Variants in OTOF observed in about 807,000 individuals in gnomAD.
OTOF encodes the protein otoferlin.
Under a neutral mutation model 236.8 loss-of-function variants are expected in OTOF, and 218 were observed. The ratio of observed to expected loss-of-function variants is 0.92; its 90% confidence interval spans 0.82 to 1.03. OTOF has a LOEUF of 1.03. Ranked by LOEUF, OTOF falls within the 50% of genes least tolerant of loss-of-function variation. The pLI is 0.00. For missense variants in OTOF, 2,590 were observed against 2,694.4 expected (o/e 0.96, Z 0.86); for synonymous variants, 1,041 against 1,072.5 (o/e 0.97, Z 0.57).
chr2:26,464,741 C>T (rs1216002621), intron 39 of OTOF, 128 bp downstream of exon 39: 2 of 902,242 alleles, frequency 2.2e-6, no homozygotes, highest in South Asian at 4.5e-5. Flanking sequence ...CAGAGGGTCA[C>T]TAAGACCAGG....
In OTOF at chr2:26,533,377, G is replaced by A. The variant is rs745546503; in HGVS notation, c.138+4339C>T. 6.6e-5 allele frequency among the ~76,000 whole-genome samples: 10 copies of A among 152,124 alleles called. No individual in the cohort carries two copies. In the East Asian group the frequency reaches 9.7e-4, roughly 15 times the overall value. On this transcript the variant is annotated intron_variant, in intron 2 of 46. Coordinates refer to ENST00000272371, the MANE Select transcript of OTOF (RefSeq NM_194248.3). ...CTTAAAGGCCTGGGCTCAGTATCCC[G>A]AGTGTGGCTATTTCACTTTCCCAGG...
chr2:26,475,655 T>C (rs1665220490), intron 24 of OTOF, among the ~76,000 whole-genome samples, 162 bp from the exon 25 acceptor site: 1 of 152,178 alleles, frequency 6.6e-6, no homozygotes, highest in Non-Finnish European at 1.5e-5. Flanking sequence ...AATATGAGGT[T>C]TGGCCCAAGC....
chr2:26,513,427 C>T (rs540513602), intron 5 of OTOF, among the ~76,000 whole-genome samples: 93 of 152,264 alleles, frequency 6.1e-4, no homozygotes, highest in Middle Eastern at 3.4e-3. Flanking sequence ...CCCCTCCATC[C>T]GTGGAAGATT....
In OTOF at chr2:26,470,982, C is replaced by T; in HGVS notation, c.3894+139G>A. ...GCACTCACCCAGCTCTTTTCCACTG[C>T]ATCTTAGGGGAGGTGTGCTGGCCCA... is the stretch of plus-strand genomic sequence containing the variant. On this transcript the variant is annotated intron_variant, in intron 31 of 46. Transcript: ENST00000272371. This position sits in a 1 kb window ranked among gnomAD's most constrained non-coding sequence, Gnocchi z 4.3. The T allele has an allele frequency of 8.4e-7, 1 of 1,196,696 alleles. No homozygotes were observed. The highest frequency in any genetic ancestry group is 1.2e-6 in the Non-Finnish European group (1 of 810,008). 74.1% of individuals were successfully genotyped at this position (1,196,696 alleles called of 1,614,324 possible).
chr2:26,465,593 C>T (rs1345255454), intron 38 of OTOF, 79 bp downstream of exon 38: 1 of 1,479,928 alleles, frequency 6.8e-7, no homozygotes, highest in Non-Finnish European at 9.4e-7. Context: ...CCTCTCAAAT[C>T]ACCAGGATCT....
chr2:26,540,980 G>T (rs192007566), intron 1 of OTOF, among the ~76,000 whole-genome samples: 1 of 152,222 alleles, frequency 6.6e-6, no homozygotes, highest in Non-Finnish European at 1.5e-5. Context: ...AATTTTCCCC[G>T]CAGGTAACAC....
At position 26,489,280 on chromosome 2, in the gene OTOF, T is replaced by A; in HGVS notation, c.976A>T (p.Asn326Tyr). 2 of 1,612,648 alleles carry A rather than the reference T, an allele frequency of 1.2e-6. No homozygotes were observed. The highest frequency in any genetic ancestry group is 1.7e-6 in the Non-Finnish European group (2 of 1,179,650). The part of the protein sequence containing the change: ...IIKISVIHSK[N>Y]LLRSGTLVGS... ...ACCAGGGTGCCACTGCGCAGCAGGTTCTTGGAGTGAATCACCTTTCAGGCA... is the reference window on the plus strand; with the variant it reads ...ACCAGGGTGCCACTGCGCAGCAGGTACTTGGAGTGAATCACCTTTCAGGCA... Residue 326 changes from asparagine (N) to tyrosine (Y), a missense_variant, in exon 11 of 47, where the codon AAC becomes TAC. Transcript: ENST00000272371.
intron 8 of OTOF, among the ~76,000 whole-genome samples, chr2:26,501,472 G>A (rs1342670243): frequency 6.6e-6 from 1 of 152,172 alleles, no homozygotes; most frequent in Admixed American, 6.5e-5. Flanking sequence ...TTTTCTAGGT[G>A]CTTCTCACTT....
At position 26,480,785 on chromosome 2, in the gene OTOF, C is replaced by T. The variant is rs2148056848; in HGVS notation, c.1803+1G>A. On this transcript the variant is annotated splice_donor_variant, in intron 15 of 46. Transcript: ENST00000272371. LOFTEE classifies it high-confidence loss of function. ...GGACAGCACAGTGCCTGGGGTCTCACCTCCGAGATGGGCGTGGCCTGCTCC... is the reference window on the plus strand; with the variant it reads ...GGACAGCACAGTGCCTGGGGTCTCATCTCCGAGATGGGCGTGGCCTGCTCC... The T allele has an allele frequency of 1.9e-6, 3 of 1,611,196 alleles. No individual in the cohort carries two copies. The highest frequency in any genetic ancestry group is 2.5e-6 in the Non-Finnish European group (3 of 1,179,458).
chr2:26,536,733 GA>G (rs1667080334), intron 2 of OTOF, among the ~76,000 whole-genome samples: 1 of 152,188 alleles, frequency 6.6e-6, no homozygotes, highest in Admixed American at 6.5e-5. Flanking sequence ...CCCCAGGAGA[GA>G]GGGGGTACAC....
At chr2:26,555,484 G>C (rs754238347) in intron 1 of OTOF, among the ~76,000 whole-genome samples, 4 of 152,240 alleles carry the variant, frequency 2.6e-5, no homozygotes, top group Non-Finnish European at 5.9e-5. Context: ...GCAGCCAGGG[G>C]CAGTAAGAAC....
At chr2:26,556,504 T>C (rs866900307) in intron 1 of OTOF, among the ~76,000 whole-genome samples, 17 of 152,120 alleles carry the variant, frequency 1.1e-4, no homozygotes, top group Admixed American at 4.6e-4. Context: ...CTCCTGCCAA[T>C]GTGGAGCTTG....
chr2:26,492,712 G>A (rs1572448214), intron 9 of OTOF, among the ~76,000 whole-genome samples: 1 of 152,170 alleles, frequency 6.6e-6, no homozygotes, highest in Non-Finnish European at 1.5e-5. Context: ...GAGACTGGGA[G>A]CCTCCAGTCC....
At chr2:26,496,503 G>A (rs947788762) in intron 8 of OTOF, among the ~76,000 whole-genome samples, 13 of 152,056 alleles carry the variant, frequency 8.5e-5, no homozygotes, top group Admixed American at 6.6e-4. Flanking sequence ...GCCTCCCAAA[G>A]TGCTGGGAAT....
At position 26,462,289 on chromosome 2, in the gene OTOF, G is replaced by T; in HGVS notation, c.5193-108C>A. 1.0e-6 allele frequency: 1 copy of T among 963,384 alleles called. No individual in the cohort carries two copies. The highest frequency in any genetic ancestry group is 1.7e-6 in the Non-Finnish European group (1 of 596,080). 59.7% of individuals were successfully genotyped at this position (963,384 alleles called of 1,614,324 possible). On this transcript the variant is annotated intron_variant, in intron 41 of 46. Transcript: ENST00000272371. This position sits in a 1 kb window ranked among gnomAD's most constrained non-coding sequence, Gnocchi z 4.7. ...GAGAAGCCCTGGGGTCTTGGGGTCA[G>T]CACAGGGCCTGGGCCAGGCTGGGGC...
rs775956205 is a variant in OTOF, at chr2:26,480,244, C to T, written c.1871G>A (p.Arg624Gln). 4.4e-5 allele frequency: 71 copies of T among 1,612,810 alleles called. No individual in the cohort carries two copies. Among genetic ancestry groups the T allele is most frequent in the South Asian group, 8.8e-5 (8 of 91,080 alleles). ...GGTGATGGGCTTGTCTCCGTTTCTC[C>T]GGTCGATCATTGAGGCCTCCAGGAA... Reference protein sequence around the residue: ...GAFLEASMIDRRNGDKPITFE... With the variant: ...GAFLEASMIDQRNGDKPITFE... Residue 624 changes from arginine (R) to glutamine (Q), a missense_variant, in exon 16 of 47, where the codon CGG becomes CAG. By Grantham distance (43) the Arg-to-Gln change is conservative. Around this residue, in one of 2 missense-constraint regions of OTOF, gnomAD observed 1,379 missense variants for 1,341.6 expected, o/e 1.03. Coordinates refer to ENST00000272371, the MANE Select transcript of OTOF (RefSeq NM_194248.3).
rs771162266 is a variant in OTOF, at chr2:26,519,126, G to A, written c.228-17C>T. 8 of 1,520,726 alleles carry A rather than the reference G, an allele frequency of 5.3e-6. No individual in the cohort carries two copies. In the South Asian group the frequency reaches 9.2e-5, roughly 17 times the overall value. 94.2% of individuals were successfully genotyped at this position (1,520,726 alleles called of 1,614,324 possible). ...CCGATGAGCCTGGGGATGGCAGAGG[G>A]GGCACGGTGGTAACATGGAAGAGAC... On this transcript the variant is annotated splice_polypyrimidine_tract_variant and intron_variant, in intron 3 of 46. Coordinates refer to ENST00000272371, the MANE Select transcript of OTOF (RefSeq NM_194248.3).
At chr2:26,517,187 G>A (rs1666554350) in intron 4 of OTOF, among the ~76,000 whole-genome samples, 1 of 152,188 alleles carries the variant, frequency 6.6e-6, no homozygotes, top group Admixed American at 6.5e-5. Context: ...CCGGGCTCAG[G>A]CTTAGCAGTG....
At chr2:26,489,144 G>T in intron 11 of OTOF, 67 bp downstream of exon 11, 1 of 1,149,318 alleles carries the variant, frequency 8.7e-7, no homozygotes, top group South Asian at 1.3e-5. Flanking sequence ...ACAGTGGGAA[G>T]GGCCCCGTGC....
Sources: gnomAD v4.1 joint callset for allele counts (sites outside exome capture counted in the v4.1 genomes callset) on GRCh38, gnomAD v4.1.1 for gene constraint, gnomAD v4.1.1 regional missense constraint, Gnocchi (gnomAD v3.1) non-coding constraint, MANE v1.5 for transcripts, NCBI Gene and HGNC (gene_info 2026-07-23, HGNC 2026-07-21) for gene names.